Variants in UGT3A1 observed in about 807,000 individuals in gnomAD.
The protein encoded by UGT3A1 is UDP glycosyltransferase family 3 member A1.
Under a neutral mutation model 37.6 loss-of-function variants are expected in UGT3A1, and 40 were observed. The ratio of observed to expected loss-of-function variants is 1.06; its 90% CI spans 0.83 to 1.38. The LOEUF (loss-of-function observed/expected upper bound fraction) is 1.38. Ranked by LOEUF, UGT3A1 falls within the 40% of genes most tolerant of loss-of-function variation. The probability of loss-of-function intolerance (pLI) is 0.00; values close to 1 mark genes in which losing one functional copy is unlikely to be tolerated. For missense variants in UGT3A1, 642 were observed against 634.2 expected (o/e 1.01, Z -0.13); for synonymous variants, 256 against 232.3 (o/e 1.10, Z -0.93).
At chr5:35,975,825 C>T (rs1274965686) in intron 2 of UGT3A1, among the ~76,000 whole-genome samples, 1 of 152,134 alleles carries the variant, frequency 6.6e-6, no homozygotes, top group African/African-American at 2.4e-5. Flanking sequence ...GGTATATCTC[C>T]TAATGCTATC....
rs192542062 is a variant in UGT3A1, at chr5:35,970,305, T to A, written c.197-2172A>T. Reference sequence around the variant, plus strand: ...TACTCAGGAGGCTGAGGCAGGAGAATCACTTGAACCTGGGAGGCAGAGGTT... The same window carrying A: ...TACTCAGGAGGCTGAGGCAGGAGAAACACTTGAACCTGGGAGGCAGAGGTT... On this transcript the variant is annotated intron_variant, in intron 2 of 6. Transcript: ENST00000274278. Among the ~76,000 whole-genome samples the A allele has an allele frequency of 1.7e-3, 250 of 151,380 alleles. 5 individuals are homozygous for A. The highest frequency in any genetic ancestry group is 0.014 in the Admixed American group (219 of 15,194).
At chr5:35,993,826 C>T (rs1741025657), upstream of UGT3A1, among the ~76,000 whole-genome samples, 1 of 152,128 alleles carries the variant, frequency 6.6e-6, no homozygotes, top group Non-Finnish European at 1.5e-5. Flanking sequence ...TTCTGAAGTC[C>T]AGGATCTCTT....
intron 4 of UGT3A1, among the ~76,000 whole-genome samples, chr5:35,958,527 A>G (rs976557619): frequency 6.7e-5 from 10 of 150,136 alleles, no homozygotes; most frequent in African/African-American, 2.5e-4. Context: ...ATTATATAAA[A>G]TCAAAAGAAG....
intron 1 of UGT3A1, among the ~76,000 whole-genome samples, chr5:35,990,324 C>T (rs1055254327): frequency 6.6e-6 from 1 of 151,928 alleles, no homozygotes; most frequent in African/African-American, 2.4e-5. Flanking sequence ...CTCTAAGAGC[C>T]CTGATTCTCC....
chr5:35,972,290 T>A (rs571076913), intron 2 of UGT3A1, among the ~76,000 whole-genome samples: 1 of 152,190 alleles, frequency 6.6e-6, no homozygotes, highest in East Asian at 1.9e-4. Flanking sequence ...TTACCCTCAG[T>A]AATGTAGCTG....
rs1179752565 is a variant in UGT3A1 at position 35,957,210 on chromosome 5, C to G, written c.1053G>C (p.Trp351Cys). The change falls in exon 5 of 7, where the codon TGG (tryptophan) becomes TGC (cysteine). Residue 351 changes from tryptophan (W) to cysteine (C), a missense_variant. By Grantham distance (215) the Trp-to-Cys change is radical. Coordinates refer to ENST00000274278, the MANE Select transcript of UGT3A1 (RefSeq NM_152404.4). The stretch of plus-strand genomic sequence containing the variant: ...TACCCAGGAGGTCACTCTGAGGAAG[C>G]CAGTCCACAATTTTCACATTTGTGG... ...HLATNVKIVDWLPQSDLLAHP... is the reference protein window; with the variant it reads ...HLATNVKIVDCLPQSDLLAHP... The G allele has an allele frequency of 5.6e-6, 9 of 1,614,106 alleles. No individual in the cohort carries two copies. The highest frequency in any genetic ancestry group is 1.1e-5 in the South Asian group (1 of 91,074).
At chr5:35,992,765 C>T (rs56152092), upstream of UGT3A1, among the ~76,000 whole-genome samples, 10,875 of 152,134 alleles carry the variant, frequency 0.071, 463 homozygotes, top group Non-Finnish European at 0.1. Flanking sequence ...AAAATGAGCA[C>T]AAAACTTGAT....
chr5:35,958,158 A>T (rs1196721545), intron 4 of UGT3A1, among the ~76,000 whole-genome samples: 3 of 152,190 alleles, frequency 2.0e-5, no homozygotes, highest in Non-Finnish European at 2.9e-5. Flanking sequence ...GCAAACATAA[A>T]ATTTTATATT....
At chr5:35,988,582 G>C in intron 1 of UGT3A1, 31 bp from the exon 2 acceptor site, 1 of 1,531,722 alleles carries the variant, frequency 6.5e-7, no homozygotes. Flanking sequence ...CTTTTGTAAA[G>C]ATGAAAATAG....
intron 4 of UGT3A1, among the ~76,000 whole-genome samples, chr5:35,964,625 C>T (rs1220970619): frequency 6.6e-6 from 1 of 152,168 alleles, no homozygotes; most frequent in Non-Finnish European, 1.5e-5. Context: ...CCTACATCAC[C>T]TGTGCTTCTG....
chr5:35,967,935 C>G (rs970488329), intron 3 of UGT3A1, 84 bp downstream of exon 3: 1 of 1,073,716 alleles, frequency 9.3e-7, no homozygotes, highest in Non-Finnish European at 1.4e-6. Context: ...TTCTCTAAAA[C>G]TCACTCCAAA....
rs1739244003 is a variant in UGT3A1 at position 35,953,638 on chromosome 5, C to T, written c.*564G>A. 1.3e-5 allele frequency: 2 copies of T among 152,964 alleles called. No individual in the cohort carries two copies. Among genetic ancestry groups the T allele is most frequent in the Non-Finnish European group, 1.5e-5 (1 of 68,562 alleles). The allele number at this position is 152,964 out of a possible 1,614,324, so 9.5% of individuals were successfully genotyped here. On this transcript the variant is annotated 3_prime_UTR_variant, in exon 7 of 7. Coordinates refer to ENST00000274278, the MANE Select transcript of UGT3A1 (RefSeq NM_152404.4). Reference sequence around the variant, plus strand: ...ATAAAGCAGTATCATCTGTGACCAACTGCAGGCTCCATGTCTGACCAGCAA... The same window carrying T: ...ATAAAGCAGTATCATCTGTGACCAATTGCAGGCTCCATGTCTGACCAGCAA...
rs774616380 is a variant in UGT3A1, at chr5:35,965,506, TAGA to T, written c.720_722del (p.Leu242del). On this transcript the variant is annotated inframe_deletion, in exon 4 of 7. Transcript: ENST00000274278. Reference sequence around the variant, plus strand: ...TAACAAACCACAACTCTGCTTTCAGTAGAAGATGAGACAAAACTGGCCTAGAGC... The same window carrying T: ...TAACAAACCACAACTCTGCTTTCAGTAGATGAGACAAAACTGGCCTAGAGC... 56 of 1,614,220 alleles carry T rather than the reference TAGA, an allele frequency of 3.5e-5. No individual in the cohort carries two copies. Among genetic ancestry groups the T allele is most frequent in the African/African-American group, 5.3e-5 (4 of 75,052 alleles).
At chr5:35,962,784 G>A (rs1739640764) in intron 4 of UGT3A1, 6 of 668,944 alleles carry the variant, frequency 9.0e-6, no homozygotes, top group Non-Finnish European at 1.6e-5. Flanking sequence ...GGGCTAGGAG[G>A]TGTTTTTCCT....
chr5:35,958,621 G>T (rs1305325969), intron 4 of UGT3A1, among the ~76,000 whole-genome samples: 1 of 152,214 alleles, frequency 6.6e-6, no homozygotes, highest in African/African-American at 2.4e-5. Context: ...TGACTCAAAT[G>T]ACTCCGTAGA....
intron 5 of UGT3A1, 99 bp downstream of exon 5, chr5:35,957,089 T>A: frequency 1.1e-6 from 1 of 934,942 alleles, no homozygotes; most frequent in Non-Finnish European, 1.7e-6. Flanking sequence ...GAGTAGCTAC[T>A]ACGTAGGCTG....
chr5:35,991,487 G>C, upstream of UGT3A1: 2 of 1,326,442 alleles, frequency 1.5e-6, no homozygotes, highest in Non-Finnish European at 1.9e-6. Flanking sequence ...AGTAGGAGGG[G>C]GTTGGTAACC....
At chr5:35,988,307 G>A (rs1372887804) in intron 2 of UGT3A1, 143 bp downstream of exon 2, 2 of 576,084 alleles carry the variant, frequency 3.5e-6, no homozygotes, top group Non-Finnish European at 6.0e-6. Flanking sequence ...TACTTAACAT[G>A]AACACACATC....
In UGT3A1 at chr5:35,965,469, C is replaced by CA; in HGVS notation, c.759dup (p.Ala254CysfsTer3). The CA allele has an allele frequency of 6.2e-7, 1 of 1,614,168 alleles. No individual in the cohort carries two copies. Among genetic ancestry groups the CA allele is most frequent in the Non-Finnish European group, 8.5e-7 (1 of 1,180,018 alleles). On this transcript the variant is annotated frameshift_variant, in exon 4 of 7. Transcript: ENST00000274278. LOFTEE classifies it high-confidence loss of function. The stretch of plus-strand genomic sequence containing the variant: ...AGCAGGGGCCGGGCAAAATCAAAGG[C>CA]AAAATCAGAGTTAACAAACCACAAC...
Sources: allele counts gnomAD v4.1 joint callset (sites outside exome capture counted in the v4.1 genomes callset), GRCh38; gene constraint gnomAD v4.1.1; transcripts MANE v1.5; gene names NCBI Gene and HGNC (gene_info 2026-07-23, HGNC 2026-07-21).